Variants in TACC2 observed in about 807,000 individuals in gnomAD.
TACC2 encodes the protein transforming acidic coiled-coil-containing protein 2.
A neutral mutation model predicts 227.3 loss-of-function variants in TACC2; 137 were observed. The observed-to-expected ratio is 0.60, with a 90% CI of 0.52 to 0.69. The LOEUF (loss-of-function observed/expected upper bound fraction) is 0.69. TACC2 is among the 30% of genes least tolerant of loss of function. The probability of loss-of-function intolerance (pLI) is 0.00; values close to 1 mark genes in which losing one functional copy is unlikely to be tolerated. For synonymous variants in TACC2, 1,523 were observed against 1,487.5 expected (o/e 1.02, Z -0.55); for missense variants, 3,470 against 3,694.4 (o/e 0.94, Z 1.57).
intron 3 of TACC2, among the ~76,000 whole-genome samples, chr10:122,068,622 G>A (rs1034003119): frequency 6.6e-6 from 1 of 151,636 alleles, no homozygotes; most frequent in Non-Finnish European, 1.5e-5. Flanking sequence ...GGTGGGAACA[G>A]GAATTATTCC....
chr10:122,045,951 G>T (rs2074927451), intron 2 of TACC2, among the ~76,000 whole-genome samples: 1 of 38 alleles, frequency 0.026, no homozygotes, highest in African/African-American at 0.25. Flanking sequence ...AAGGCGCATG[G>T]ATCACGAGTC....
Position 122,086,905 on chromosome 10 carries a change from C to G in TACC2, c.4405C>G (p.Arg1469Gly), listed in dbSNP as rs757532639. The change falls in exon 4 of 23, where the codon CGA becomes GGA. Residue 1469 changes from arginine (R) to glycine (G), a missense_variant. Around this residue, in one of 10 missense-constraint regions of TACC2, gnomAD observed 1,924 missense variants for 1,978.3 expected, o/e 0.97. Transcript: ENST00000369005. ...DVTLLPAPPA[R>G]LQVEKKQQLA... ...CACCCTTCTCCCTGCACCTCCTGCT[C>G]GACTCCAGGTGGAGAAGAAGCAACA... The G allele has an allele frequency of 6.2e-7, 1 of 1,613,942 alleles. No homozygotes were observed. The highest frequency in any genetic ancestry group is 8.5e-7 in the Non-Finnish European group (1 of 1,180,018).
In TACC2 at chr10:122,249,144, A is replaced by T; in HGVS notation, c.8648A>T (p.Glu2883Val). 6.2e-7 allele frequency: 1 copy of T among 1,610,772 alleles called. No individual in the cohort carries two copies. The highest frequency in any genetic ancestry group is 8.5e-7 in the Non-Finnish European group (1 of 1,179,038). Residue 2883 changes from glutamate to valine, a missense_variant, in exon 21 of 23, where the codon GAG becomes GTG. By Grantham distance (121) the Glu-to-Val change is moderately radical. Transcript: ENST00000369005. ...CAGGCCCTGAAGGTGCACGCGGAGG[A>T]GAAACTGGACAGGTAACATTTAGCC... ...RYQALKVHAE[E>V]KLDRANAEIA... is the part of the protein sequence containing the mutation.
chr10:122,143,712 G>T lies in TACC2; in HGVS notation c.5834+6G>T. On this transcript the variant is annotated splice_donor_region_variant and intron_variant, in intron 7 of 22. Coordinates refer to ENST00000369005, the MANE Select transcript of TACC2 (RefSeq NM_206862.4). ...CCGGCCAAGGACCTCAGCAGGTATT[G>T]CGCAAGTCCCCCTCCACAGCACCTG... 1 of 1,613,166 alleles carries T rather than the reference G, an allele frequency of 6.2e-7. No homozygotes were observed. Among genetic ancestry groups the T allele is most frequent in the Non-Finnish European group, 8.5e-7 (1 of 1,179,378 alleles).
Position 122,237,478 on chromosome 10 carries a change from T to C in TACC2, c.8211T>C (p.Pro2737=). Reference sequence around the variant, plus strand: ...TCGGGACCGCTGAGGTGGAGAAACCTGCAGGCCTTCTGTTCCAGCAGCCCG... The same window carrying C: ...TCGGGACCGCTGAGGTGGAGAAACCCGCAGGCCTTCTGTTCCAGCAGCCCG... ...SRIGTAEVEK[P]AGLLFQQPDL... is the part of the protein sequence containing the mutation. The change falls in exon 17 of 23, where the codon CCT becomes CCC. Residue 2737 remains proline, a synonymous_variant. Transcript: ENST00000369005. The C allele has an allele frequency of 6.2e-7, 1 of 1,614,130 alleles. No homozygotes were observed. Among genetic ancestry groups the C allele is most frequent in the Non-Finnish European group, 8.5e-7 (1 of 1,180,020 alleles).
chr10:122,014,031 CA>C (rs5788524), intron 1 of TACC2, among the ~76,000 whole-genome samples: 144,707 of 151,840 alleles, frequency 0.95, 68,970 homozygotes, highest in East Asian at 1. Flanking sequence ...TATCATGCTG[CA>C]AAAAAAAAGA....
chr10:122,214,661 G>A (rs1397798397), intron 9 of TACC2, among the ~76,000 whole-genome samples: 1 of 152,200 alleles, frequency 6.6e-6, no homozygotes, highest in African/African-American at 2.4e-5. Context: ...TTTCTCCTGG[G>A]ATCTGCTTCC....
At chr10:122,163,947 A>G in intron 7 of TACC2, 2 of 1,586,122 alleles carry the variant, frequency 1.3e-6, no homozygotes, top group Non-Finnish European at 1.7e-6. Context: ...CAGTCCCTGC[A>G]GCCAGCCCCA....
At position 122,083,752 on chromosome 10, in the gene TACC2, C is replaced by T. The variant is rs202167155; in HGVS notation, c.1252C>T (p.Pro418Ser). ...GCTCACTCCGACTGAGGAAGCACAT[C>T]CAGCTTCAAGCCTCGCTTCATTCCC... ...SLLTPTEEAHPASSLASFPAA... is the reference protein window; with the variant it reads ...SLLTPTEEAHSASSLASFPAA... The change falls in exon 4 of 23, where the codon CCA (proline) becomes TCA (serine). Residue 418 changes from proline (P) to serine (S), a missense_variant. This residue lies in a region of TACC2 where 1,924 missense variants were observed against 1,978.3 expected (regional missense o/e 0.97). Coordinates refer to ENST00000369005, the MANE Select transcript of TACC2 (RefSeq NM_206862.4). 2.4e-5 allele frequency: 38 copies of T among 1,613,972 alleles called. No individual in the cohort carries two copies. Among genetic ancestry groups the T allele is most frequent in the Non-Finnish European group, 3.1e-5 (36 of 1,180,016 alleles).
chr10:122,241,257 C>G (rs979631844), intron 18 of TACC2, among the ~76,000 whole-genome samples: 1 of 152,082 alleles, frequency 6.6e-6, no homozygotes, highest in African/African-American at 2.4e-5. Flanking sequence ...TTGCAAAGAC[C>G]TCAGTTGTCG....
chr10:122,058,182 T>C (rs908326806), intron 3 of TACC2, among the ~76,000 whole-genome samples: 1 of 152,220 alleles, frequency 6.6e-6, no homozygotes, highest in Non-Finnish European at 1.5e-5. Context: ...GCATGGGGTG[T>C]AACATGTCCA....
chr10:122,109,638 G>A lies in TACC2; in HGVS notation c.5573+21047G>A, dbSNP rs539223702. Among the ~76,000 whole-genome samples, 51 of 152,324 alleles carry A rather than the reference G, an allele frequency of 3.3e-4. No individual in the cohort carries two copies. The South Asian group carries it at 1.0e-2, about 30-fold the overall frequency. On this transcript the variant is annotated intron_variant, in intron 5 of 22. Coordinates refer to ENST00000369005, the MANE Select transcript of TACC2 (RefSeq NM_206862.4). The stretch of plus-strand genomic sequence containing the variant: ...TCCCTTTCCAGCTCTTGCCTTTAGA[G>A]ATTCAGACAGAAATATTAACTGATG...
chr10:122,241,378 G>C (rs2095989164), intron 18 of TACC2, among the ~76,000 whole-genome samples: 1 of 152,152 alleles, frequency 6.6e-6, no homozygotes, highest in East Asian at 1.9e-4. Flanking sequence ...TGTAGCCTCA[G>C]ACTCCTGGGC....
chr10:122,167,757 G>T (rs1708563406), intron 7 of TACC2, among the ~76,000 whole-genome samples: 1 of 152,200 alleles, frequency 6.6e-6, no homozygotes, highest in Non-Finnish European at 1.5e-5. Context: ...AGACGTAAGT[G>T]CCAGAAAACT....
chr10:122,085,234 G>T lies in TACC2; in HGVS notation c.2734G>T (p.Asp912Tyr). The T allele has an allele frequency of 2.5e-6, 4 of 1,614,116 alleles. No individual in the cohort carries two copies. Among genetic ancestry groups the T allele is most frequent in the Non-Finnish European group, 3.4e-6 (4 of 1,180,030 alleles). ...TCAGCTCCCCAAAGGCACCCTGTCTGATACTCCAACTTCATCTCCCACTGA... is the reference window on the plus strand; with the variant it reads ...TCAGCTCCCCAAAGGCACCCTGTCTTATACTCCAACTTCATCTCCCACTGA... Reference protein sequence around the residue: ...QSQLPKGTLSDTPTSSPTDMV... With the variant: ...QSQLPKGTLSYTPTSSPTDMV... The change falls in exon 4 of 23, where the codon GAT (aspartate) becomes TAT (tyrosine). Residue 912 changes from aspartate (D) to tyrosine (Y), a missense_variant. By Grantham distance (160) the Asp-to-Tyr change is radical. Coordinates refer to ENST00000369005, the MANE Select transcript of TACC2 (RefSeq NM_206862.4).
intron 1 of TACC2, among the ~76,000 whole-genome samples, chr10:122,007,225 G>A (rs1044323780): frequency 6.6e-6 from 1 of 151,978 alleles, no homozygotes; most frequent in Non-Finnish European, 1.5e-5. Flanking sequence ...TCCCTTGGGT[G>A]CCTTATGATT....
intron 5 of TACC2, among the ~76,000 whole-genome samples, chr10:122,120,290 C>G (rs777595516): frequency 6.6e-6 from 1 of 152,200 alleles, no homozygotes; most frequent in Non-Finnish European, 1.5e-5. Context: ...CAGCCTCCTC[C>G]AAGCTGACCT....
intron 3 of TACC2, among the ~76,000 whole-genome samples, chr10:122,075,886 G>A (rs527640808): frequency 1.3e-3 from 192 of 152,258 alleles, no homozygotes; most frequent in African/African-American, 4.4e-3. Flanking sequence ...GGCAGCCTCC[G>A]CCTCCTGGAT....
intron 5 of TACC2, among the ~76,000 whole-genome samples, chr10:122,116,287 C>T (rs1304736637): frequency 2.0e-5 from 3 of 152,196 alleles, no homozygotes; most frequent in Non-Finnish European, 4.4e-5. Flanking sequence ...AGCTCTGTCC[C>T]CATCCCTCTG....
Sources: allele counts gnomAD v4.1 joint callset (sites outside exome capture counted in the v4.1 genomes callset), GRCh38; gene constraint gnomAD v4.1.1; regional missense constraint gnomAD v4.1.1; transcripts MANE v1.5; gene names NCBI Gene and HGNC (gene_info 2026-07-23, HGNC 2026-07-21).